Variants in THAP4 observed in about 807,000 individuals in gnomAD.
THAP4 encodes the protein THAP domain containing 4.
A neutral mutation model predicts 48.1 loss-of-function variants in THAP4; 18 were observed. That is an observed-to-expected ratio of 0.37 (90% CI 0.26 to 0.56). THAP4 has a LOEUF of 0.56. THAP4 is among the 20% of genes least tolerant of loss of function. The probability of loss-of-function intolerance (pLI) is 0.78; values close to 1 mark genes in which losing one functional copy is unlikely to be tolerated. For synonymous variants in THAP4, 345 were observed against 324.9 expected, an observed-to-expected ratio of 1.06 and a Z score of -0.66; for missense variants, 656 against 774.9, an observed-to-expected ratio of 0.85 and a Z score of 1.82.
intron 1 of THAP4, among the ~76,000 whole-genome samples, chr2:241,636,689 C>A (rs1452021385): frequency 6.6e-6 from 1 of 152,132 alleles, no homozygotes; most frequent in Non-Finnish European, 1.5e-5. Context: ...CTTCTGAAGC[C>A]TAGGCGCCGG....
Position 241,614,441 on chromosome 2 carries a change from A to G in THAP4, c.1241-7968T>C, listed in dbSNP as rs943718137. ...CAGCAACATCTATAAAGCAGAAATT[A>G]CTGATGACACACGAAGATGTCGAGA... is the stretch of plus-strand genomic sequence containing the variant. On this transcript the variant is annotated intron_variant, in intron 2 of 5. Coordinates refer to ENST00000407315, the MANE Select transcript of THAP4 (RefSeq NM_015963.6). 1.8e-4 allele frequency among the ~76,000 whole-genome samples: 28 copies of G among 152,348 alleles called. 1 individual carries two copies. In the Middle Eastern group the frequency reaches 0.014, roughly 74 times the overall value.
intron 5 of THAP4, among the ~76,000 whole-genome samples, chr2:241,590,517 A>G (rs79434615): frequency 1.3e-4 from 14 of 109,730 alleles, no homozygotes; most frequent in South Asian, 7.4e-4. Flanking sequence ...ACTAGGACAC[A>G]CAGAGCTGCT....
At chr2:241,602,045 C>T in intron 4 of THAP4, 46 bp from the exon 5 acceptor site, 1 of 1,584,940 alleles carries the variant, frequency 6.3e-7, no homozygotes, top group Non-Finnish European at 8.6e-7. Flanking sequence ...GCTCGGCTTG[C>T]AGAGAGGCAG....
chr2:241,596,508 CAA>C (rs71406471), intron 5 of THAP4, among the ~76,000 whole-genome samples: 425 of 20,444 alleles, frequency 0.021, 2 homozygotes, highest in South Asian at 0.062. Context: ...ACTCTGTCTC[CAA>C]AAAAAAAAAA....
chr2:241,615,331 C>T (rs2067326208), intron 2 of THAP4, among the ~76,000 whole-genome samples: 1 of 152,144 alleles, frequency 6.6e-6, no homozygotes, highest in South Asian at 2.1e-4. Flanking sequence ...CGAATTACAC[C>T]TCAATAAAAA....
At chr2:241,590,478 T>A (rs1327782367) in intron 5 of THAP4, among the ~76,000 whole-genome samples, 4 of 115,258 alleles carry the variant, frequency 3.5e-5, no homozygotes, top group Non-Finnish European at 5.3e-5. Flanking sequence ...ACTAGGACAC[T>A]CAGAGCTGCT....
intron 5 of THAP4, among the ~76,000 whole-genome samples, chr2:241,599,357 A>G (rs555967047): frequency 6.6e-6 from 1 of 152,258 alleles, no homozygotes; most frequent in Admixed American, 6.5e-5. Context: ...AGGGACAAGC[A>G]TGCAACAAAC....
chr2:241,620,679 C>T (rs374691876), intron 2 of THAP4, among the ~76,000 whole-genome samples: 3 of 151,508 alleles, frequency 2.0e-5, no homozygotes, highest in South Asian at 2.1e-4. Context: ...GCAGTGACTG[C>T]GGCGGTGAGT....
rs970451848 is a variant in THAP4, at chr2:241,584,764, C to T, written c.1615-39G>A. 10 of 1,613,560 alleles carry T rather than the reference C, an allele frequency of 6.2e-6. No homozygotes were observed. The African/African-American group carries it at 1.2e-4, about 19-fold the overall frequency. On this transcript the variant is annotated intron_variant, in intron 5 of 5. Transcript: ENST00000407315. ...TGGAACAAAGATAGCTTAGTTTTAT[C>T]TTCAAAAGATTCAATCAATGCCTGT... is the stretch of plus-strand genomic sequence containing the variant.
chr2:241,617,936 A>T (rs577902042), intron 2 of THAP4, among the ~76,000 whole-genome samples: 70 of 152,312 alleles, frequency 4.6e-4, no homozygotes, highest in African/African-American at 1.6e-3. Context: ...ACAGGAAGTG[A>T]GCAAATGCAC....
chr2:241,586,820 G>A (rs1299095742), intron 5 of THAP4, among the ~76,000 whole-genome samples: 1 of 152,146 alleles, frequency 6.6e-6, no homozygotes, highest in Non-Finnish European at 1.5e-5. Context: ...GAGAATAATG[G>A]AAAATATGGA....
chr2:241,591,577 T>C (rs2066979587), intron 5 of THAP4, among the ~76,000 whole-genome samples: 1 of 151,976 alleles, frequency 6.6e-6, no homozygotes, highest in Non-Finnish European at 1.5e-5. Flanking sequence ...AGCAGACCCC[T>C]GATGAAGGAT....
At chr2:241,592,946 T>C (rs1336467902) in intron 5 of THAP4, among the ~76,000 whole-genome samples, 1 of 152,080 alleles carries the variant, frequency 6.6e-6, no homozygotes, top group African/African-American at 2.4e-5. Flanking sequence ...ACCATGCATC[T>C]TAAAAGGAAA....
rs1290111512 is a variant in THAP4 at position 241,586,260 on chromosome 2, A to AG, written c.1615-1536dup. 3.2e-3 allele frequency among the ~76,000 whole-genome samples: 347 copies of AG among 109,898 alleles called. 2 individuals carry two copies. The highest frequency in any genetic ancestry group is 0.012 in the African/African-American group (317 of 26,574). The allele number at this position is 109,898 out of a possible 152,430, so 72.1% of individuals were successfully genotyped here. A position where few individuals can be genotyped will look rare whatever the true frequency, so the allele number is the denominator to read the frequency against. ...CAACAGAGCGAGACTCCATCTGAAGAGGAAAAAAAAAAAAAAAAAAAAAAG... is the reference window on the plus strand; with the variant it reads ...CAACAGAGCGAGACTCCATCTGAAGAGGGAAAAAAAAAAAAAAAAAAAAAAG... On this transcript the variant is annotated intron_variant, in intron 5 of 5. Transcript: ENST00000407315.
rs930467043 is a variant in THAP4, at chr2:241,618,465, C to T, written c.1241-11992G>A. Among the ~76,000 whole-genome samples the T allele has an allele frequency of 3.3e-5, 5 of 152,038 alleles. No individual in the cohort carries two copies. In the East Asian group the frequency reaches 5.8e-4, roughly 18 times the overall value. ...AGCTTTCCCACACGCTAGCAATAAC[C>T]GAAAAATAATGGGTGGGGAGTAAGC... On this transcript the variant is annotated intron_variant, in intron 2 of 5. Coordinates refer to ENST00000407315, the MANE Select transcript of THAP4 (RefSeq NM_015963.6).
rs77635150 is a variant in THAP4 at position 241,591,137 on chromosome 2, C to G, written c.1615-6412G>C. On this transcript the variant is annotated intron_variant, in intron 5 of 5. Coordinates refer to ENST00000407315, the MANE Select transcript of THAP4 (RefSeq NM_015963.6). ...GCTGACGATGATGGGCACTAGGACA[C>G]TCAGAACTGCCCGGCTGACGATGAT... is the stretch of plus-strand genomic sequence containing the variant. Among the ~76,000 whole-genome samples the G allele has an allele frequency of 6.6e-5, 6 of 90,254 alleles. 1 individual carries two copies. Among genetic ancestry groups the G allele is most frequent in the African/African-American group, 1.8e-4 (4 of 21,634 alleles). The allele number at this position is 90,254 out of a possible 152,430, so 59.2% of individuals were successfully genotyped here.
Position 241,637,065 on chromosome 2 carries a change from C to A in THAP4, c.-48G>T. On this transcript the variant is annotated 5_prime_UTR_variant, in exon 1 of 6. Coordinates refer to ENST00000407315, the MANE Select transcript of THAP4 (RefSeq NM_015963.6). ...CAGCCAGGCCCCGGCCCTAGCCGCC[C>A]GCCCGCCCGCGGACCGCCCCGAGGG... The A allele has an allele frequency of 9.0e-7, 1 of 1,107,944 alleles. No individual in the cohort carries two copies. The highest frequency in any genetic ancestry group is 4.4e-5 in the Admixed American group (1 of 22,644). The allele number at this position is 1,107,944 out of a possible 1,614,324, so 68.6% of individuals were successfully genotyped here.
At chr2:241,587,880 A>C (rs1429809733) in intron 5 of THAP4, among the ~76,000 whole-genome samples, 1 of 151,894 alleles carries the variant, frequency 6.6e-6, no homozygotes, top group Non-Finnish European at 1.5e-5. Context: ...GCGCCACTGC[A>C]CTCCAGCCTG....
At chr2:241,629,813 C>T (rs2067535461) in intron 2 of THAP4, among the ~76,000 whole-genome samples, 1 of 151,494 alleles carries the variant, frequency 6.6e-6, no homozygotes, top group Admixed American at 6.6e-5. Flanking sequence ...AAACGGGCAC[C>T]TCCAGAACCA....
Sources: allele counts gnomAD v4.1 joint callset (sites outside exome capture counted in the v4.1 genomes callset), GRCh38; gene constraint gnomAD v4.1.1; transcripts MANE v1.5; gene names NCBI Gene and HGNC (gene_info 2026-07-23, HGNC 2026-07-21).